The following ZNF385D variants were observed in gnomAD, a reference collection of about 807,000 sequenced individuals.
ZNF385D encodes zinc finger protein 385D.
A neutral mutation model predicts 35.8 loss-of-function variants in ZNF385D; 15 were observed. That is an observed-to-expected ratio of 0.42 (90% CI 0.28 to 0.64). The LOEUF (loss-of-function observed/expected upper bound fraction) is 0.64. Ranked by LOEUF, ZNF385D falls within the 30% of genes least tolerant of loss-of-function variation. ZNF385D has a pLI of 0.23. For synonymous variants in ZNF385D, 212 were observed against 186.8 expected, an observed-to-expected ratio of 1.13 and a Z score of -1.10; for missense variants, 474 against 494.6, an observed-to-expected ratio of 0.96 and a Z score of 0.39.
At chr3:21,908,511 G>C (rs572648906) in intron 3 of ZNF385D, among the ~76,000 whole-genome samples, 5 of 152,166 alleles carry the variant, frequency 3.3e-5, no homozygotes, top group Admixed American at 3.3e-4. Flanking sequence ...AGGCAGATTG[G>C]AAACACTGTA....
At chr3:21,795,275 T>G (rs1270581129) in intron 3 of ZNF385D, among the ~76,000 whole-genome samples, 3 of 152,174 alleles carry the variant, frequency 2.0e-5, no homozygotes, top group African/African-American at 7.2e-5. Flanking sequence ...AGGGGCCCCA[T>G]TGGACCTCTA....
At chr3:21,820,003 A>G (rs34656932) in intron 3 of ZNF385D, among the ~76,000 whole-genome samples, 29,919 of 150,744 alleles carry the variant, frequency 0.2, 3,797 homozygotes, top group Non-Finnish European at 0.29. Flanking sequence ...AATCATCATA[A>G]TACACACAAA....
chr3:22,028,495 T>G (rs1446011593), intron 3 of ZNF385D, among the ~76,000 whole-genome samples: 1 of 152,162 alleles, frequency 6.6e-6, no homozygotes, highest in East Asian at 1.9e-4. Context: ...ATGGCACCAT[T>G]CCTCGGGGTG....
intron 3 of ZNF385D, chr3:21,942,571 T>C (rs1185537513): frequency 6.6e-6 from 1 of 152,238 alleles, no homozygotes. Context: ...CTCTGAGCTT[T>C]CATGCATATA....
chr3:22,002,741 A>G (rs1006183087), intron 3 of ZNF385D, among the ~76,000 whole-genome samples: 5 of 152,198 alleles, frequency 3.3e-5, no homozygotes, highest in African/African-American at 1.2e-4. Flanking sequence ...ATAATACACC[A>G]GGATCAAGTG....
intron 3 of ZNF385D, among the ~76,000 whole-genome samples, chr3:21,768,452 T>G (rs2070927258): frequency 6.6e-6 from 1 of 151,892 alleles, no homozygotes; most frequent in Admixed American, 6.6e-5. Flanking sequence ...ATATAACTCT[T>G]TTGGAACTCT....
intron 2 of ZNF385D, among the ~76,000 whole-genome samples, chr3:22,178,240 G>A (rs1168532401): frequency 1.3e-5 from 2 of 152,132 alleles, no homozygotes; most frequent in African/African-American, 4.8e-5. Context: ...ATCCTCTCCA[G>A]TACCTGTTGT....
intron 4 of ZNF385D, among the ~76,000 whole-genome samples, chr3:21,493,732 G>C (rs372186710): frequency 2.6e-5 from 4 of 151,742 alleles, no homozygotes; most frequent in African/African-American, 7.3e-5. Flanking sequence ...CAAAGTGTTA[G>C]GATTACAGCT....
chr3:22,289,844 TAC>T (rs1199433109), intron 2 of ZNF385D, among the ~76,000 whole-genome samples: 2 of 152,114 alleles, frequency 1.3e-5, no homozygotes, highest in Non-Finnish European at 2.9e-5. Context: ...AGGTTTAGAA[TAC>T]ACACAGCTAC....
At chr3:22,083,772 C>T (rs981835849) in intron 3 of ZNF385D, among the ~76,000 whole-genome samples, 1 of 152,086 alleles carries the variant, frequency 6.6e-6, no homozygotes, top group African/African-American at 2.4e-5. Context: ...CCCTAAGACA[C>T]ATAATTGTCA....
intron 3 of ZNF385D, among the ~76,000 whole-genome samples, chr3:22,095,552 G>A (rs932716302): frequency 1.3e-5 from 2 of 151,936 alleles, no homozygotes; most frequent in African/African-American, 2.4e-5. Context: ...ATCTGTGAAT[G>A]AAATTCCTGT....
At chr3:21,722,152 G>A (rs2068569950) in intron 1 of ZNF385D, among the ~76,000 whole-genome samples, 2 of 151,828 alleles carry the variant, frequency 1.3e-5, no homozygotes, top group Non-Finnish European at 2.9e-5. Context: ...CAGCAGGGGT[G>A]GTGCTAAGTC....
intron 1 of ZNF385D, among the ~76,000 whole-genome samples, chr3:21,690,574 G>A (rs1392810352): frequency 6.6e-6 from 1 of 152,034 alleles, no homozygotes; most frequent in Non-Finnish European, 1.5e-5. Flanking sequence ...TGACAATGTT[G>A]GCATCTAAAC....
At position 22,260,081 on chromosome 3, in the gene ZNF385D, T is replaced by C. The variant is rs549830218; in HGVS notation, c.107-91046A>G. Among the ~76,000 whole-genome samples, 7 of 152,160 alleles carry C rather than the reference T, an allele frequency of 4.6e-5. No individual in the cohort carries two copies. In the East Asian group the frequency reaches 1.4e-3, roughly 30 times the overall value. On this transcript the variant is annotated intron_variant, in intron 2 of 5. Transcript: ENST00000494108. ...ACAATCAATTAGATTATTTACAGTGTGCTCTACTCTAAGTAGTAAATTACT... is the reference window on the plus strand; with the variant it reads ...ACAATCAATTAGATTATTTACAGTGCGCTCTACTCTAAGTAGTAAATTACT...
intron 3 of ZNF385D, among the ~76,000 whole-genome samples, chr3:21,832,032 G>C (rs1270048659): frequency 6.6e-6 from 1 of 152,000 alleles, no homozygotes; most frequent in Non-Finnish European, 1.5e-5. Context: ...TTTACTTATA[G>C]AAACATTAAA....
chr3:22,275,168 AT>A (rs1308572350), intron 2 of ZNF385D, among the ~76,000 whole-genome samples: 1 of 152,146 alleles, frequency 6.6e-6, no homozygotes, highest in African/African-American at 2.4e-5. Flanking sequence ...AAGACATTAC[AT>A]TGTATTCTAT....
intron 3 of ZNF385D, among the ~76,000 whole-genome samples, chr3:21,997,685 A>C (rs1019068089): frequency 6.6e-6 from 1 of 152,042 alleles, no homozygotes; most frequent in Non-Finnish European, 1.5e-5. Context: ...CTTTCAAGTT[A>C]TCAGATTTTG....
At chr3:21,895,977 C>T (rs565485728) in intron 3 of ZNF385D, among the ~76,000 whole-genome samples, 68 of 152,136 alleles carry the variant, frequency 4.5e-4, no homozygotes, top group Non-Finnish European at 8.8e-4. Context: ...AAAATTTTTG[C>T]GGTTTCGACA....
At position 21,635,532 on chromosome 3, in the gene ZNF385D, G is replaced by T. The variant is rs146970407; in HGVS notation, c.165+29354C>A. On this transcript the variant is annotated intron_variant, in intron 2 of 7. Transcript: ENST00000281523. ...CAGGCAATGTAGTTCCAGAGTCACT[G>T]TTTGTTGTTGTTGTTGTTGTTTGTT... Among the ~76,000 whole-genome samples the T allele has an allele frequency of 9.7e-3, 1,199 of 124,042 alleles. 12 individuals are homozygous for T. The highest frequency in any genetic ancestry group is 0.032 in the African/African-American group (1,143 of 35,434). 81.4% of individuals were successfully genotyped at this position (124,042 alleles called of 152,430 possible).
Sources: gnomAD v4.1 joint callset for allele counts (sites outside exome capture counted in the v4.1 genomes callset) on GRCh38, gnomAD v4.1.1 for gene constraint, MANE v1.5 for transcripts, NCBI Gene and HGNC (gene_info 2026-07-23, HGNC 2026-07-21) for gene names.